The following RNF170 variants were observed in gnomAD, a reference collection of about 807,000 sequenced individuals.
RNF170 encodes E3 ubiquitin-protein ligase RNF170.
In RNF170, 12 loss-of-function variants were observed where a neutral mutation model predicts 32.7. The observed-to-expected ratio is 0.37, with a 90% CI of 0.24 to 0.60. The LOEUF is 0.60. Ranked by LOEUF, RNF170 falls within the 20% of genes least tolerant of loss-of-function variation. The probability of loss-of-function intolerance (pLI) is 0.72; values close to 1 mark genes in which losing one functional copy is unlikely to be tolerated. For missense variants in RNF170, 212 were observed against 311.2 expected, an observed-to-expected ratio of 0.68 and a Z score of 2.40; for synonymous variants, 91 against 103.6, an observed-to-expected ratio of 0.88 and a Z score of 0.74.
intron 2 of RNF170, among the ~76,000 whole-genome samples, chr8:42,886,229 A>T (rs1398334856): frequency 6.6e-6 from 1 of 152,020 alleles, no homozygotes; most frequent in Non-Finnish European, 1.5e-5. Flanking sequence ...GTCTCAAAAA[A>T]AAAAATAATA....
At chr8:42,870,185 A>G in intron 3 of RNF170, 73 bp from the exon 4 acceptor site, 1 of 1,036,312 alleles carries the variant, frequency 9.6e-7, no homozygotes, top group South Asian at 1.3e-5. Context: ...GTTAAATTAT[A>G]TTTGAGAACA....
intron 2 of RNF170, among the ~76,000 whole-genome samples, chr8:42,883,642 G>T (rs776139874): frequency 6.6e-6 from 1 of 151,332 alleles, no homozygotes; most frequent in South Asian, 2.1e-4. Context: ...CACTTTGGGA[G>T]GCCAAGGCAG....
At chr8:42,894,689 C>G (rs1035161572) in intron 1 of RNF170, among the ~76,000 whole-genome samples, 1 of 152,122 alleles carries the variant, frequency 6.6e-6, no homozygotes, top group Admixed American at 6.5e-5. Context: ...CTCAGCCTCC[C>G]GAGTAGCTGG....
chr8:42,869,146 G>A (rs1373140810), intron 4 of RNF170, among the ~76,000 whole-genome samples: 1 of 152,176 alleles, frequency 6.6e-6, no homozygotes, highest in Admixed American at 6.5e-5. Flanking sequence ...CTGGGCTCAA[G>A]CAATCCTCCT....
chr8:42,892,680 T>TG (rs999871546), intron 1 of RNF170, among the ~76,000 whole-genome samples: 5 of 151,898 alleles, frequency 3.3e-5, no homozygotes, highest in African/African-American at 9.7e-5. Flanking sequence ...CAGCGTTTTT[T>TG]TTTTTTTTTT....
chr8:42,887,986 G>T, intron 1 of RNF170, 115 bp from the exon 2 acceptor site: 1 of 932,432 alleles, frequency 1.1e-6, no homozygotes, highest in Non-Finnish European at 1.7e-6. Context: ...CTGATAGGCT[G>T]CAATTAAGTA....
In RNF170 at chr8:42,855,976, A is replaced by G; in HGVS notation, c.*183T>C. ...TTCTAAACTTAATATTAGAACTTCA[A>G]ACATGAAAATTCCAGTTATACCTAG... is the stretch of plus-strand genomic sequence containing the variant. On this transcript the variant is annotated 3_prime_UTR_variant, in exon 7 of 7. Transcript: ENST00000527424. 6.9e-7 allele frequency: 1 copy of G among 1,447,194 alleles called. No homozygotes were observed. The highest frequency in any genetic ancestry group is 1.4e-5 in the African/African-American group (1 of 71,070). 89.6% of individuals were successfully genotyped at this position (1,447,194 alleles called of 1,614,324 possible). A position where few individuals can be genotyped will look rare whatever the true frequency, so the allele number is the denominator to read the frequency against.
downstream of RNF170, among the ~76,000 whole-genome samples, chr8:42,852,816 A>T (rs1802975312): frequency 1.3e-5 from 2 of 152,154 alleles, no homozygotes; most frequent in Admixed American, 6.6e-5. Flanking sequence ...TGGTCTGCAA[A>T]TTAATTTATT....
intron 2 of RNF170, among the ~76,000 whole-genome samples, chr8:42,887,356 T>C (rs13256221): frequency 0.047 from 7,222 of 152,254 alleles, 232 homozygotes; most frequent in South Asian, 0.086. Flanking sequence ...CTTTTTACTA[T>C]ACAAGTCTTT....
upstream of RNF170, chr8:42,897,010 G>C (rs1246614867): frequency 1.6e-6 from 1 of 642,452 alleles, no homozygotes; most frequent in Non-Finnish European, 2.2e-6. Flanking sequence ...GAGAGTCGGC[G>C]GCCGGATCCG....
At chr8:42,888,767 C>G (rs1281844777) in intron 1 of RNF170, among the ~76,000 whole-genome samples, 2 of 146,138 alleles carry the variant, frequency 1.4e-5, no homozygotes, top group Non-Finnish European at 3.0e-5. Flanking sequence ...CCCCGCCCCC[C>G]AACCTCCCCA....
intron 2 of RNF170, 71 bp downstream of exon 2, chr8:42,887,657 A>G: frequency 7.5e-7 from 1 of 1,326,378 alleles, no homozygotes; most frequent in South Asian, 1.2e-5. Context: ...ATTAAGTATT[A>G]TACATTATTA....
chr8:42,895,314 TCAA>T (rs569561857), intron 1 of RNF170, among the ~76,000 whole-genome samples: 2 of 151,810 alleles, frequency 1.3e-5, no homozygotes, highest in Non-Finnish European at 2.9e-5. Flanking sequence ...AAAACCACCA[TCAA>T]CAACAACAAA....
chr8:42,879,794 C>A (rs755797693), intron 2 of RNF170, among the ~76,000 whole-genome samples: 9 of 152,016 alleles, frequency 5.9e-5, no homozygotes, highest in Admixed American at 2.6e-4. Context: ...CGTGCCTCAG[C>A]CTCCCAAGTT....
At chr8:42,888,034 G>A (rs1805969884) in intron 1 of RNF170, among the ~76,000 whole-genome samples, 163 bp from the exon 2 acceptor site, 1 of 152,134 alleles carries the variant, frequency 6.6e-6, no homozygotes, top group Non-Finnish European at 1.5e-5. Flanking sequence ...TTTAAAATTT[G>A]CCAGACACAT....
At chr8:42,871,786 T>C (rs1230536412) in intron 3 of RNF170, among the ~76,000 whole-genome samples, 1 of 152,210 alleles carries the variant, frequency 6.6e-6, no homozygotes, top group Non-Finnish European at 1.5e-5. Flanking sequence ...CTTGAGCTCC[T>C]GACCTCAGGT....
At chr8:42,873,365 G>A (rs959336599) in intron 3 of RNF170, among the ~76,000 whole-genome samples, 7 of 151,058 alleles carry the variant, frequency 4.6e-5, no homozygotes, top group African/African-American at 1.7e-4. Flanking sequence ...TTTGTTTCTT[G>A]ATGTTAGATA....
Position 42,853,441 on chromosome 8 carries a change from C to T in RNF170, c.*2718G>A. 1 of 1,287,136 alleles carries T rather than the reference C, an allele frequency of 7.8e-7. No homozygotes were observed. The allele number at this position is 1,287,136 out of a possible 1,614,324, so 79.7% of individuals were successfully genotyped here. Reference sequence around the variant, plus strand: ...CATAGCCACAAGGGATCCACATAGTCCTTTCTTCCCTTGTACCTCTCAAAC... The same window carrying T: ...CATAGCCACAAGGGATCCACATAGTTCTTTCTTCCCTTGTACCTCTCAAAC... On this transcript the variant is annotated 3_prime_UTR_variant, in exon 7 of 7. Coordinates refer to ENST00000527424, the MANE Select transcript of RNF170 (RefSeq NM_030954.4).
chr8:42,880,786 C>G (rs180956976), intron 2 of RNF170, among the ~76,000 whole-genome samples: 9 of 151,986 alleles, frequency 5.9e-5, no homozygotes, highest in Admixed American at 1.3e-4. Flanking sequence ...AAAGAAACTG[C>G]CACAGCCACC....
Sources: gnomAD v4.1 joint callset for allele counts (sites outside exome capture counted in the v4.1 genomes callset) on GRCh38, gnomAD v4.1.1 for gene constraint, MANE v1.5 for transcripts, NCBI Gene and HGNC (gene_info 2026-07-23, HGNC 2026-07-21) for gene names.